The following SIPA1L2 variants were observed in gnomAD, a reference collection of about 807,000 sequenced individuals.
SIPA1L2 encodes signal-induced proliferation-associated 1-like protein 2.
Under a neutral mutation model 163.9 loss-of-function variants are expected in SIPA1L2, and 56 were observed. The ratio of observed to expected loss-of-function variants is 0.34; its 90% confidence interval spans 0.28 to 0.43. The LOEUF (loss-of-function observed/expected upper bound fraction) is 0.43. Ranked by LOEUF, SIPA1L2 falls within the 20% of genes least tolerant of loss-of-function variation. The pLI, the probability that SIPA1L2 is intolerant of heterozygous loss-of-function variation, is 1.00. For synonymous variants in SIPA1L2, 877 were observed against 865.7 expected (o/e 1.01, Z -0.23); for missense variants, 1,974 against 2,193.5 (o/e 0.90, Z 2.00).
rs561880699 is a variant in SIPA1L2, at chr1:232,449,167, T to TC, written c.3096-3382dup. 1.4e-4 allele frequency among the ~76,000 whole-genome samples: 22 copies of TC among 152,096 alleles called. No homozygotes were observed. In the East Asian group the frequency reaches 3.9e-3, roughly 27 times the overall value. On this transcript the variant is annotated intron_variant, in intron 10 of 22. Coordinates refer to ENST00000674635, the MANE Select transcript of SIPA1L2 (RefSeq NM_020808.5). ...AGAGTTAAAATTAAACACTAAAAAA[T>TC]CCAGTAAGACAGTTGTAAGGTAAAC...
At chr1:232,566,366 A>C (rs1282849119) in intron 2 of SIPA1L2, among the ~76,000 whole-genome samples, 1 of 152,212 alleles carries the variant, frequency 6.6e-6, no homozygotes, top group African/African-American at 2.4e-5. Flanking sequence ...CTCCAAAGAG[A>C]AATGTTTAAT....
chr1:232,535,961 G>C (rs1301358413), intron 2 of SIPA1L2, among the ~76,000 whole-genome samples: 1 of 152,158 alleles, frequency 6.6e-6, no homozygotes, highest in African/African-American at 2.4e-5. Flanking sequence ...TCTCCTTAGG[G>C]ATATGTTCTG....
chr1:232,441,926 C>A, intron 12 of SIPA1L2, 58 bp from the exon 13 acceptor site: 2 of 1,437,436 alleles, frequency 1.4e-6, no homozygotes, highest in Admixed American at 3.8e-5. Flanking sequence ...TGCCAGCATG[C>A]ACACGGGAGT....
chr1:232,589,768 C>T (rs1233868942), intron 1 of SIPA1L2, among the ~76,000 whole-genome samples: 4 of 152,116 alleles, frequency 2.6e-5, no homozygotes, highest in Admixed American at 2.0e-4. Context: ...TTTTACTGAA[C>T]CCAGGGGAAA....
intron 19 of SIPA1L2, among the ~76,000 whole-genome samples, chr1:232,415,102 G>A (rs1413633680): frequency 1.3e-5 from 2 of 152,206 alleles, no homozygotes; most frequent in Admixed American, 1.3e-4. Flanking sequence ...CTTGTCCGGC[G>A]AAGCCCAGCA....
chr1:232,502,040 C>T (rs967493880), intron 3 of SIPA1L2, among the ~76,000 whole-genome samples: 1 of 152,136 alleles, frequency 6.6e-6, no homozygotes, highest in Non-Finnish European at 1.5e-5. Flanking sequence ...TTCAATTTGC[C>T]TTATTTAACC....
intron 19 of SIPA1L2, among the ~76,000 whole-genome samples, chr1:232,405,039 G>C (rs1280664825): frequency 1.3e-5 from 2 of 152,196 alleles, no homozygotes; most frequent in African/African-American, 4.8e-5. Flanking sequence ...TCTGGCTGCT[G>C]GACAAGCCTC....
rs1175013152 is a variant in SIPA1L2 at position 232,425,629 on chromosome 1, A to AGGCGGGGTGGGCCCGCGGG, written c.4589_4590insCCCGCGGGCCCACCCCGCC (p.Pro1537SerfsTer15). 6.2e-7 allele frequency: 1 copy of AGGCGGGGTGGGCCCGCGGG among 1,610,314 alleles called. No homozygotes were observed. Among genetic ancestry groups the AGGCGGGGTGGGCCCGCGGG allele is most frequent in the East Asian group, 2.2e-5 (1 of 44,814 alleles). The stretch of plus-strand genomic sequence containing the variant: ...TGCTGGGTGCGGGGTGGGCCCGCGG[A>AGGCGGGGTGGGCCCGCGGG]GGCAGCGTGCTGTGGTAGGGTGGGG... On this transcript the variant is annotated frameshift_variant, in exon 18 of 23. Transcript: ENST00000674635. LOFTEE classifies it high-confidence loss of function.
chr1:232,564,469 G>A (rs964590882), intron 2 of SIPA1L2, among the ~76,000 whole-genome samples: 3 of 151,914 alleles, frequency 2.0e-5, no homozygotes, highest in Non-Finnish European at 4.4e-5. Flanking sequence ...TATCAAGCAT[G>A]AAGCCTGCCT....
intron 1 of SIPA1L2, among the ~76,000 whole-genome samples, chr1:232,628,014 A>C (rs1169084891): frequency 6.6e-6 from 1 of 152,234 alleles, no homozygotes; most frequent in East Asian, 1.9e-4. Context: ...CACACAATAA[A>C]TGATAGCTAC....
intron 3 of SIPA1L2, among the ~76,000 whole-genome samples, chr1:232,509,165 T>G (rs1025984856): frequency 2.0e-5 from 3 of 152,246 alleles, no homozygotes; most frequent in Non-Finnish European, 4.4e-5. Context: ...GTCACACAGT[T>G]TCCTGTGTCC....
intron 1 of SIPA1L2, among the ~76,000 whole-genome samples, chr1:232,616,905 A>G (rs1011807725): frequency 6.6e-6 from 1 of 152,196 alleles, no homozygotes; most frequent in Non-Finnish European, 1.5e-5. Context: ...TTTTATTTTT[A>G]GGTCAACTAG....
intron 2 of SIPA1L2, among the ~76,000 whole-genome samples, chr1:232,557,435 T>C (rs556079456): frequency 6.0e-4 from 92 of 152,214 alleles, no homozygotes; most frequent in Non-Finnish European, 1.0e-3. Context: ...TGTTTCTTTC[T>C]ATGCAAATCA....
intron 1 of SIPA1L2, among the ~76,000 whole-genome samples, chr1:232,602,662 A>G (rs1281332794): frequency 6.6e-6 from 1 of 152,212 alleles, no homozygotes; most frequent in East Asian, 1.9e-4. Flanking sequence ...GGGAAGGCTC[A>G]TAACTAGATG....
In SIPA1L2 at chr1:232,493,553, A is replaced by G. The variant is rs1445426871; in HGVS notation, c.1591T>C (p.Tyr531His). The change falls in exon 4 of 23, where the codon TAC becomes CAC. Residue 531 changes from tyrosine (Y) to histidine (H), a missense_variant. By Grantham distance (83) the Tyr-to-His change is moderately conservative. Coordinates refer to ENST00000674635, the MANE Select transcript of SIPA1L2 (RefSeq NM_020808.5). ...AKEKEGSQFN[Y>H]RVAFRTSELT... ...TCACTTGTCCTGAAAGCCACCCTGT[A>G]GTTGAACTGGGATCCTTCTTTCTCC... The G allele has an allele frequency of 3.1e-6, 5 of 1,614,002 alleles. No homozygotes were observed. Among genetic ancestry groups the G allele is most frequent in the African/African-American group, 2.7e-5 (2 of 74,926 alleles).
At chr1:232,432,665 C>T (rs368576119) in intron 15 of SIPA1L2, among the ~76,000 whole-genome samples, 194 bp from the exon 16 acceptor site, 22 of 152,322 alleles carry the variant, frequency 1.4e-4, no homozygotes, top group African/African-American at 3.4e-4. Context: ...TAAGGTTACT[C>T]ACGTGCAAGT....
chr1:232,526,922 C>T (rs1667738993), intron 2 of SIPA1L2, among the ~76,000 whole-genome samples: 1 of 152,198 alleles, frequency 6.6e-6, no homozygotes, highest in Non-Finnish European at 1.5e-5. Context: ...GTACAGTCCT[C>T]TTCTGAGGGG....
chr1:232,464,746 G>A (rs1246980392), intron 9 of SIPA1L2, 94 bp downstream of exon 9: 1 of 981,318 alleles, frequency 1.0e-6, no homozygotes, highest in Non-Finnish European at 1.5e-6. Context: ...TTCCCTAATT[G>A]GTATAATCAT....
intron 1 of SIPA1L2, among the ~76,000 whole-genome samples, chr1:232,597,373 A>G (rs755241223): frequency 1.3e-5 from 2 of 152,034 alleles, no homozygotes; most frequent in Non-Finnish European, 2.9e-5. Context: ...CCTGAACATC[A>G]ACCTAAAGAA....
Sources: gnomAD v4.1 joint callset for allele counts (sites outside exome capture counted in the v4.1 genomes callset) on GRCh38, gnomAD v4.1.1 for gene constraint, MANE v1.5 for transcripts, NCBI Gene and HGNC (gene_info 2026-07-23, HGNC 2026-07-21) for gene names.